MYT1L: variants seen among roughly 807,000 people sequenced by gnomAD.
MYT1L encodes the protein myelin transcription factor 1 like.
In MYT1L, 12 loss-of-function variants were observed where a neutral mutation model predicts 126.7. The ratio of observed to expected loss-of-function variants is 0.09; its 90% CI spans 0.06 to 0.15. MYT1L has a LOEUF of 0.15. MYT1L is among the 10% of genes least tolerant of loss of function. MYT1L has a pLI of 1.00. For missense variants in MYT1L, 979 were observed against 1,585.2 expected (o/e 0.62, Z 6.49); for synonymous variants, 541 against 604.2 (o/e 0.90, Z 1.53).
At chr2:2,067,084 TATAGGTGTAC>T (rs2073971844) in intron 3 of MYT1L, among the ~76,000 whole-genome samples, 1 of 152,208 alleles carries the variant, frequency 6.6e-6, no homozygotes, top group South Asian at 2.1e-4. Flanking sequence ...CAAGGAGCTT[TATAGGTGTAC>T]ACGAAGAAGT....
intron 4 of MYT1L, among the ~76,000 whole-genome samples, chr2:2,022,348 T>C (rs2149837561): frequency 6.6e-6 from 1 of 152,342 alleles, no homozygotes; most frequent in East Asian, 1.9e-4. Context: ...TCCTCTGTGC[T>C]GGTTAACATC....
chr2:2,012,516 G>T (rs1226079090), intron 4 of MYT1L, among the ~76,000 whole-genome samples: 2 of 152,198 alleles, frequency 1.3e-5, no homozygotes, highest in Non-Finnish European at 2.9e-5. Flanking sequence ...ATGTTCTAAA[G>T]TTGACTGGGT....
chr2:2,269,130 T>G (rs1572996643), intron 2 of MYT1L, among the ~76,000 whole-genome samples: 1 of 152,216 alleles, frequency 6.6e-6, no homozygotes, highest in East Asian at 1.9e-4. Flanking sequence ...CATCTATCGC[T>G]CAACACTTTC....
intron 18 of MYT1L, among the ~76,000 whole-genome samples, chr2:1,874,765 T>C (rs13000424): frequency 0.016 from 2,487 of 152,322 alleles, 39 homozygotes; most frequent in Non-Finnish European, 0.027. Context: ...CAGCAGCCAG[T>C]CTTACAGCTG....
At chr2:2,086,118 T>A (rs187750741) in intron 3 of MYT1L, among the ~76,000 whole-genome samples, 50 of 152,348 alleles carry the variant, frequency 3.3e-4, no homozygotes, top group Admixed American at 3.1e-3. Flanking sequence ...AACATGCCTC[T>A]GTCTTGATAA....
intron 3 of MYT1L, among the ~76,000 whole-genome samples, chr2:2,088,001 C>T (rs1296005138): frequency 6.6e-6 from 1 of 152,232 alleles, no homozygotes. Context: ...CTCTGTAACA[C>T]ACGAGTGTAA....
chr2:1,918,639 AAC>A (rs1441284850), intron 10 of MYT1L, among the ~76,000 whole-genome samples: 1 of 152,214 alleles, frequency 6.6e-6, no homozygotes, highest in African/African-American at 2.4e-5. Context: ...TTCATATAAA[AAC>A]ACTCCCCTTT....
In MYT1L at chr2:1,791,960, C is replaced by T. The variant is rs749800637; in HGVS notation, c.3468G>A (p.Thr1156=). 3 of 1,609,786 alleles carry T rather than the reference C, an allele frequency of 1.9e-6. No homozygotes were observed. The highest frequency in any genetic ancestry group is 1.7e-6 in the Non-Finnish European group (2 of 1,178,604). ...AACGATCTTGATTTGTATACATTTC[C>T]GTCAAAGTAGTCACGTAAGCATCAA... ...QNFDAYVTTL[T]EMYTNQDRYQ... The change falls in exon 25 of 25, where the codon ACG becomes ACA. Residue 1156 remains threonine, a synonymous_variant. Transcript: ENST00000647738. This position sits in a 1 kb window ranked among gnomAD's most constrained non-coding sequence, Gnocchi z 6.0.
chr2:2,188,003 A>C (rs2092332820), intron 2 of MYT1L, among the ~76,000 whole-genome samples: 1 of 152,188 alleles, frequency 6.6e-6, no homozygotes, highest in Non-Finnish European at 1.5e-5. Context: ...CCTTAAAATA[A>C]CAAATGTTCA....
chr2:1,791,665 C>T lies in MYT1L; in HGVS notation c.*202G>A. The T allele has an allele frequency of 3.8e-6, 2 of 527,326 alleles. No homozygotes were observed. Among genetic ancestry groups the T allele is most frequent in the Non-Finnish European group, 3.3e-6 (1 of 306,382 alleles). 32.7% of individuals were successfully genotyped at this position (527,326 alleles called of 1,614,324 possible). On this transcript the variant is annotated 3_prime_UTR_variant, in exon 25 of 25. Coordinates refer to ENST00000647738, the MANE Select transcript of MYT1L (RefSeq NM_001303052.2). This position sits in a 1 kb window ranked among gnomAD's most constrained non-coding sequence, Gnocchi z 6.0. ...AACACTATGTCAGCTTACATGGAAACGTACAAAATGTGGGTGTATTCAAAA... is the reference window on the plus strand; with the variant it reads ...AACACTATGTCAGCTTACATGGAAATGTACAAAATGTGGGTGTATTCAAAA...
At chr2:1,817,742 C>G (rs375175109) in intron 21 of MYT1L, among the ~76,000 whole-genome samples, 1 of 152,146 alleles carries the variant, frequency 6.6e-6, no homozygotes, top group Non-Finnish European at 1.5e-5. Context: ...TCGGGAAAGT[C>G]CACACACCTG....
chr2:2,211,677 C>T (rs974916161), intron 2 of MYT1L, among the ~76,000 whole-genome samples: 21 of 151,704 alleles, frequency 1.4e-4, no homozygotes, highest in South Asian at 8.4e-4. Context: ...TGGTGGCGGG[C>T]GCCTCTAGTC....
At chr2:2,026,493 G>T (rs1250603505) in intron 4 of MYT1L, among the ~76,000 whole-genome samples, 1 of 152,340 alleles carries the variant, frequency 6.6e-6, no homozygotes, top group African/African-American at 2.4e-5. Flanking sequence ...CTGTCTCTCA[G>T]CTAAACACAC....
intron 4 of MYT1L, among the ~76,000 whole-genome samples, chr2:2,024,217 A>C (rs1416253914): frequency 6.6e-6 from 1 of 152,242 alleles, no homozygotes; most frequent in Non-Finnish European, 1.5e-5. Flanking sequence ...TGGAATATAT[A>C]TACTACATTA....
intron 2 of MYT1L, among the ~76,000 whole-genome samples, chr2:2,207,183 G>A (rs1012736493): frequency 2.0e-5 from 3 of 152,168 alleles, no homozygotes; most frequent in African/African-American, 7.2e-5. Context: ...AATGGTTTAG[G>A]ATTTATTCAT....
At chr2:2,008,152 G>T (rs1296246710) in intron 4 of MYT1L, among the ~76,000 whole-genome samples, 3 of 152,156 alleles carry the variant, frequency 2.0e-5, no homozygotes, top group Non-Finnish European at 4.4e-5. Flanking sequence ...TGCACAGGGG[G>T]ACCTTTCCCA....
At chr2:1,880,416 C>T (rs1417017748) in intron 18 of MYT1L, among the ~76,000 whole-genome samples, 3 of 152,154 alleles carry the variant, frequency 2.0e-5, no homozygotes, top group African/African-American at 7.2e-5. Context: ...CGGCTCACTG[C>T]GACCTCTGCC....
At chr2:2,148,526 C>T (rs2085240494) in intron 3 of MYT1L, among the ~76,000 whole-genome samples, 1 of 152,046 alleles carries the variant, frequency 6.6e-6, no homozygotes, top group South Asian at 2.1e-4. Flanking sequence ...ACAGGGGACA[C>T]CTGGCATAAA....
intron 21 of MYT1L, chr2:1,825,390 A>C (rs1244355172): frequency 6.6e-6 from 1 of 152,244 alleles, no homozygotes; most frequent in Non-Finnish European, 1.5e-5. Context: ...GAAAACAGAT[A>C]CATTGGTAGA....
Sources: gnomAD v4.1 joint callset for allele counts (sites outside exome capture counted in the v4.1 genomes callset) on GRCh38, gnomAD v4.1.1 for gene constraint, Gnocchi (gnomAD v3.1) non-coding constraint, MANE v1.5 for transcripts, NCBI Gene and HGNC (gene_info 2026-07-23, HGNC 2026-07-21) for gene names.